Variants in PLEKHA7 observed in about 807,000 individuals in gnomAD.
The protein encoded by PLEKHA7 is pleckstrin homology domain containing A7.
In PLEKHA7, 104 loss-of-function variants were observed where a neutral mutation model predicts 170.0. The ratio of observed to expected loss-of-function variants is 0.61; its 90% CI spans 0.52 to 0.72. The LOEUF is 0.72. Among genes scored for constraint, PLEKHA7 ranks in the 30% least tolerant of loss-of-function variants. PLEKHA7 has a pLI of 0.00. For synonymous variants in PLEKHA7, 648 were observed against 660.8 expected (o/e 0.98, Z 0.30); for missense variants, 1,615 against 1,671.7 (o/e 0.97, Z 0.59).
chr11:16,914,562 C>A (rs1858497928), intron 3 of PLEKHA7, among the ~76,000 whole-genome samples: 1 of 152,186 alleles, frequency 6.6e-6, no homozygotes, highest in African/African-American at 2.4e-5. Flanking sequence ...ATTCTATGGC[C>A]AGACCTTCCT....
chr11:16,780,418 A>G (rs1848934976), intron 26 of PLEKHA7, among the ~76,000 whole-genome samples: 1 of 152,232 alleles, frequency 6.6e-6, no homozygotes, highest in Admixed American at 6.5e-5. Context: ...CCCAGTGACC[A>G]AAAGGGCAGT....
At chr11:16,968,899 C>T (rs960197647) in intron 3 of PLEKHA7, among the ~76,000 whole-genome samples, 9 of 152,192 alleles carry the variant, frequency 5.9e-5, no homozygotes, top group Non-Finnish European at 8.8e-5. Context: ...TAATATGCCC[C>T]CCATACCCAC....
chr11:16,874,731 C>T (rs1267996814), intron 3 of PLEKHA7, among the ~76,000 whole-genome samples: 1 of 152,146 alleles, frequency 6.6e-6, no homozygotes, highest in Non-Finnish European at 1.5e-5. Context: ...CTCTTTTGTC[C>T]AGGGCCAAAG....
intron 3 of PLEKHA7, among the ~76,000 whole-genome samples, chr11:16,958,344 G>A (rs1861836321): frequency 6.6e-6 from 1 of 151,836 alleles, no homozygotes; most frequent in South Asian, 2.1e-4. Context: ...AATAAAAAAG[G>A]TCACGCTTCA....
chr11:16,968,438 T>C (rs1258517558), intron 3 of PLEKHA7, among the ~76,000 whole-genome samples: 1 of 152,168 alleles, frequency 6.6e-6, no homozygotes, highest in Non-Finnish European at 1.5e-5. Context: ...TGGGCTCAGG[T>C]CCTTCCAGGG....
intron 3 of PLEKHA7, among the ~76,000 whole-genome samples, chr11:17,010,345 C>G (rs929777882): frequency 1.3e-5 from 2 of 151,114 alleles, no homozygotes; most frequent in African/African-American, 4.9e-5. Context: ...GAGCTGAGAT[C>G]GTGCCACTGC....
At chr11:16,792,118 C>A (rs979714383) in intron 19 of PLEKHA7, among the ~76,000 whole-genome samples, 1 of 152,154 alleles carries the variant, frequency 6.6e-6, no homozygotes, top group African/African-American at 2.4e-5. Context: ...GAAAGTTAAG[C>A]CATCTGCCTA....
chr11:16,958,864 G>A (rs1162337472), intron 3 of PLEKHA7, among the ~76,000 whole-genome samples: 2 of 151,910 alleles, frequency 1.3e-5, no homozygotes, highest in African/African-American at 4.8e-5. Flanking sequence ...GAAGAAAGAT[G>A]AACACTGTAA....
chr11:16,865,770 C>A (rs1035491716), intron 4 of PLEKHA7, among the ~76,000 whole-genome samples: 1 of 152,190 alleles, frequency 6.6e-6, no homozygotes, highest in Non-Finnish European at 1.5e-5. Context: ...AAAGGTCCCA[C>A]TTCCCTTGAT....
chr11:16,805,034 C>T (rs558295674), intron 13 of PLEKHA7, among the ~76,000 whole-genome samples: 91 of 152,304 alleles, frequency 6.0e-4, no homozygotes, highest in Middle Eastern at 3.4e-3. Flanking sequence ...GTGAAGTCTT[C>T]GCTCTATGCC....
Position 16,801,079 on chromosome 11 carries a change from T to G in PLEKHA7, c.2308-4A>C, listed in dbSNP as rs777620273. On this transcript the variant is annotated splice_region_variant and splice_polypyrimidine_tract_variant and intron_variant, in intron 16 of 26. Transcript: ENST00000531066. ...CGTTCCAAGCATTTTCCATCTCCTG[T>G]TGGCCAAGACAATGCTTCCGGTTCT... The G allele has an allele frequency of 1.2e-6, 2 of 1,613,552 alleles. No individual in the cohort carries two copies. Among genetic ancestry groups the G allele is most frequent in the Non-Finnish European group, 1.7e-6 (2 of 1,179,424 alleles).
At chr11:16,875,446 C>CTTTTT (rs59524843) in intron 3 of PLEKHA7, among the ~76,000 whole-genome samples, 5 of 149,480 alleles carry the variant, frequency 3.3e-5, no homozygotes, top group Non-Finnish European at 5.9e-5. Context: ...AATTTCTTTC[C>CTTTTT]TTTTTTTTTC....
intron 3 of PLEKHA7, among the ~76,000 whole-genome samples, chr11:16,884,135 C>T (rs1005814301): frequency 6.6e-6 from 1 of 152,150 alleles, no homozygotes; most frequent in Non-Finnish European, 1.5e-5. Flanking sequence ...CCTCCACACA[C>T]AGGTTTCCCT....
rs532352298 is a variant in PLEKHA7, at chr11:16,948,254, G to A, written c.221+65735C>T. Among the ~76,000 whole-genome samples, 30 of 152,276 alleles carry A rather than the reference G, an allele frequency of 2.0e-4. 1 individual carries two copies. In the South Asian group the frequency reaches 6.0e-3, roughly 31 times the overall value. ...AAGAAATAAGTTCAAGAGATCTATT[G>A]TACCTCATGGTGAGTACAGTAAATA... is the stretch of plus-strand genomic sequence containing the variant. On this transcript the variant is annotated intron_variant, in intron 3 of 26. Transcript: ENST00000531066.
chr11:16,891,923 A>T (rs922927180), intron 3 of PLEKHA7, among the ~76,000 whole-genome samples: 4 of 152,312 alleles, frequency 2.6e-5, no homozygotes, highest in African/African-American at 9.6e-5. Context: ...ACGGGAAGTA[A>T]TCTAATTTGT....
chr11:16,946,369 C>CCGAA (rs1032799127), intron 3 of PLEKHA7, among the ~76,000 whole-genome samples: 7 of 152,278 alleles, frequency 4.6e-5, no homozygotes, highest in East Asian at 3.9e-4. Context: ...GGACCTCTCC[C>CCGAA]CGAACGAACG....
intron 3 of PLEKHA7, among the ~76,000 whole-genome samples, chr11:16,879,902 G>A (rs968556788): frequency 3.3e-5 from 5 of 152,268 alleles, no homozygotes; most frequent in East Asian, 3.9e-4. Context: ...CACCAACACC[G>A]CAAGACTGTC....
At chr11:16,809,398 G>A (rs545153245) in intron 13 of PLEKHA7, among the ~76,000 whole-genome samples, 1 of 152,282 alleles carries the variant, frequency 6.6e-6, no homozygotes, top group African/African-American at 2.4e-5. Flanking sequence ...ACATGGAGGG[G>A]AGAGGTCAGC....
chr11:16,801,032 T>G lies in PLEKHA7; in HGVS notation c.2351A>C (p.Asp784Ala). 1 of 1,614,252 alleles carries G rather than the reference T, an allele frequency of 6.2e-7. No individual in the cohort carries two copies. Among genetic ancestry groups the G allele is most frequent in the Non-Finnish European group, 8.5e-7 (1 of 1,180,052 alleles). ...CAGGGTCTGCTTCAGCTGTTCCACA[T>G]CATTCTCCAACTTCAGGTATTCGTT... The part of the protein sequence containing the change: ...AWNEYLKLEN[D>A]VEQLKQTLQE... Residue 784 changes from aspartate to alanine, a missense_variant, in exon 17 of 27, where the codon GAT (aspartate) becomes GCT (alanine). Asp to Ala is a moderately radical substitution (Grantham distance 126, BLOSUM62 -2). Transcript: ENST00000531066.
Sources: allele counts gnomAD v4.1 joint callset (sites outside exome capture counted in the v4.1 genomes callset), GRCh38; gene constraint gnomAD v4.1.1; transcripts MANE v1.5; gene names NCBI Gene and HGNC (gene_info 2026-07-23, HGNC 2026-07-21).